Variants in SPATA22 observed in about 807,000 individuals in gnomAD.
The protein encoded by SPATA22 is spermatogenesis associated 22, also known as spermatogenesis-associated protein 22.
SPATA22 carries 29 observed loss-of-function variants against 47.8 expected under a neutral mutation model. The observed-to-expected ratio is 0.61, with a 90% CI of 0.45 to 0.83. The LOEUF (loss-of-function observed/expected upper bound fraction) is 0.83, where lower values mean the gene tolerates loss of function less well. Among genes scored for constraint, SPATA22 ranks in the 40% least tolerant of loss-of-function variants. SPATA22 has a pLI of 0.00. For synonymous variants in SPATA22, 133 were observed against 140.9 expected, an observed-to-expected ratio of 0.94 and a Z score of 0.40; for missense variants, 410 against 421.7, an observed-to-expected ratio of 0.97 and a Z score of 0.24.
rs1231964365 is a variant in SPATA22 at position 3,488,600 on chromosome 17, T to C, written c.-73-19202A>G. Among the ~76,000 whole-genome samples the C allele has an allele frequency of 6.6e-6, 1 of 152,176 alleles. No homozygotes were observed. The highest frequency in any genetic ancestry group is 1.5e-5 in the Non-Finnish European group (1 of 68,030). On this transcript the variant is annotated intron_variant, in intron 1 of 8. Transcript: ENST00000541913. The surrounding 1 kb of genome is among the most constrained non-coding windows in gnomAD (Gnocchi z 6.1). ...TGAACCTGGGAGGCAGAGGTTGCAG[T>C]GAGCAGAAATCACACCACTGTACTC...
chr17:3,490,724 G>C lies in SPATA22; in HGVS notation c.-73-21326C>G, dbSNP rs2073810260. On this transcript the variant is annotated intron_variant, in intron 1 of 8. Transcript: ENST00000541913. This position sits in a 1 kb window ranked among gnomAD's most constrained non-coding sequence, Gnocchi z 4.6. ...TAAACCCTCTGAATAGGAAGTGTGG[G>C]ACTACAATATATTAAGAAGTGATAC... Among the ~76,000 whole-genome samples the C allele has an allele frequency of 1.3e-5, 2 of 152,158 alleles. No homozygotes were observed. Among genetic ancestry groups the C allele is most frequent in the Admixed American group, 1.3e-4 (2 of 15,276 alleles).
chr17:3,455,509 C>T (rs28856633), intron 5 of SPATA22, among the ~76,000 whole-genome samples: 46,444 of 142,154 alleles, frequency 0.33, 9,556 homozygotes, highest in Non-Finnish European at 0.48. Context: ...CAGCTTTCTA[C>T]ATATGGCTAG....
At chr17:3,510,318 G>A (rs895146401) in intron 1 of SPATA22, among the ~76,000 whole-genome samples, 1 of 152,172 alleles carries the variant, frequency 6.6e-6, no homozygotes, top group Non-Finnish European at 1.5e-5. Flanking sequence ...TGCGCTTTGA[G>A]ATGCAAATAC....
At position 3,440,037 on chromosome 17, in the gene SPATA22, C is replaced by G; in HGVS notation, c.*110G>C. The G allele has an allele frequency of 1.5e-6, 1 of 658,716 alleles. No homozygotes were observed. The highest frequency in any genetic ancestry group is 4.6e-5 in the South Asian group (1 of 21,766). 40.8% of individuals were successfully genotyped at this position (658,716 alleles called of 1,614,324 possible). A position where few individuals can be genotyped will look rare whatever the true frequency, so the allele number is the denominator to read the frequency against. ...TTCCACATTTAAAAGAATTCAAATA[C>G]TTTAATTCAACAAGTGAAATACAAT... On this transcript the variant is annotated 3_prime_UTR_variant, in exon 9 of 9. Coordinates refer to ENST00000572969, the MANE Select transcript of SPATA22 (RefSeq NM_001170698.2).
At chr17:3,449,720 A>C (rs2072812765) in intron 5 of SPATA22, among the ~76,000 whole-genome samples, 2 of 152,246 alleles carry the variant, frequency 1.3e-5, no homozygotes. Flanking sequence ...AGCATTTGTC[A>C]GCAACATTAA....
Position 3,471,672 on chromosome 17 carries a change from A to G in SPATA22, c.-74+10T>C, listed in dbSNP as rs533767147. On this transcript the variant is annotated intron_variant, in intron 1 of 8. Transcript: ENST00000572969. The stretch of plus-strand genomic sequence containing the variant: ...GCCCACGGAGTGGGGGCAGTTTGGT[A>G]TCAACGCACAGTCTTTCCCTTCTAG... 5.6e-5 allele frequency: 55 copies of G among 981,838 alleles called. No individual in the cohort carries two copies. In the African/African-American group the frequency reaches 9.8e-4, roughly 17 times the overall value. 60.8% of individuals were successfully genotyped at this position (981,838 alleles called of 1,614,324 possible).
At chr17:3,456,640 T>C (rs1423015063) in intron 5 of SPATA22, among the ~76,000 whole-genome samples, 3 of 152,166 alleles carry the variant, frequency 2.0e-5, no homozygotes, top group Non-Finnish European at 4.4e-5. Flanking sequence ...CTGGTACCAT[T>C]CCTTCTGAAA....
Position 3,440,199 on chromosome 17 carries a change from T to C in SPATA22, c.1040A>G (p.Lys347Arg). The change falls in exon 9 of 9, where the codon AAA becomes AGA. Residue 347 changes from lysine (K) to arginine (R), a missense_variant. By Grantham distance (26) the Lys-to-Arg change is conservative. Coordinates refer to ENST00000572969, the MANE Select transcript of SPATA22 (RefSeq NM_001170698.2). ...SEQKTFQAFV[K>R]IADVEMQYYI... ...ATACTGCATCTCAACATCTGCAATT[T>C]TGACAAATGCCTGGAAAGTTTTTTG... is the stretch of plus-strand genomic sequence containing the variant. 1 of 1,609,814 alleles carries C rather than the reference T, an allele frequency of 6.2e-7. No individual in the cohort carries two copies. The highest frequency in any genetic ancestry group is 1.1e-5 in the South Asian group (1 of 90,058).
Position 3,485,804 on chromosome 17 carries a change from A to G in SPATA22, c.-73-16406T>C, listed in dbSNP as rs535834404. Among the ~76,000 whole-genome samples, 8 of 152,364 alleles carry G rather than the reference A, an allele frequency of 5.3e-5. 2 individuals are homozygous for G. In the South Asian group the frequency reaches 1.4e-3, roughly 28 times the overall value. On this transcript the variant is annotated intron_variant, in intron 1 of 8. Transcript: ENST00000541913. The surrounding 1 kb of genome is among the most constrained non-coding windows in gnomAD (Gnocchi z 4.4). Reference sequence around the variant, plus strand: ...CTCCTAAAACAGAGACAAAGAATAGATTATTGACAGTAGTAATAGCAGAGT... The same window carrying G: ...CTCCTAAAACAGAGACAAAGAATAGGTTATTGACAGTAGTAATAGCAGAGT...
intron 1 of SPATA22, among the ~76,000 whole-genome samples, chr17:3,476,824 G>A (rs1204966444): frequency 2.0e-5 from 3 of 152,190 alleles, no homozygotes. Context: ...AATGCATAAA[G>A]TTCTAGTTCA....
At chr17:3,476,931 G>A (rs892917570) in intron 1 of SPATA22, among the ~76,000 whole-genome samples, 9 of 152,098 alleles carry the variant, frequency 5.9e-5, no homozygotes, top group African/African-American at 1.7e-4. Flanking sequence ...CGAGGCAGGC[G>A]GATCACGAGG....
chr17:3,473,950 T>G (rs2073484971), upstream of SPATA22: 1 of 152,248 alleles, frequency 6.6e-6, no homozygotes, highest in South Asian at 2.1e-4. Flanking sequence ...CGAAAGGGTT[T>G]CACTTCGTAT....
intron 5 of SPATA22, among the ~76,000 whole-genome samples, chr17:3,454,820 T>A (rs2072948123): frequency 6.6e-6 from 1 of 152,194 alleles, no homozygotes; most frequent in African/African-American, 2.4e-5. Context: ...TACCCAGTAA[T>A]GGGATGGCTG....
At chr17:3,451,745 G>A (rs115203822) in intron 5 of SPATA22, among the ~76,000 whole-genome samples, 1,928 of 152,066 alleles carry the variant, frequency 0.013, 35 homozygotes, top group African/African-American at 0.043. Flanking sequence ...CCAAGAGATC[G>A]AAACTGTCCT....
chr17:3,454,423 A>G (rs1025044858), intron 5 of SPATA22, among the ~76,000 whole-genome samples: 1 of 152,010 alleles, frequency 6.6e-6, no homozygotes, highest in African/African-American at 2.4e-5. Context: ...AGCATTAGGT[A>G]TATCTCCTAA....
At position 3,488,914 on chromosome 17, in the gene SPATA22, T is replaced by C. The variant is rs2073773104; in HGVS notation, c.-73-19516A>G. ...ATAAACTTGTTCACCTTTTTTACTA[T>C]GTTATGACTTTTAAATATTTTAGCA... On this transcript the variant is annotated intron_variant, in intron 1 of 8. Coordinates refer to the SPATA22 transcript ENST00000541913. This position sits in a 1 kb window ranked among gnomAD's most constrained non-coding sequence, Gnocchi z 6.1. 6.6e-6 allele frequency among the ~76,000 whole-genome samples: 1 copy of C among 152,214 alleles called. No individual in the cohort carries two copies. Among genetic ancestry groups the C allele is most frequent in the Non-Finnish European group, 1.5e-5 (1 of 68,042 alleles).
At chr17:3,513,144 C>T (rs1397712423) in intron 1 of SPATA22, 2 of 152,620 alleles carry the variant, frequency 1.3e-5, no homozygotes, top group African/African-American at 4.8e-5. Context: ...ATACTTACAT[C>T]CAGCCCCAAA....
At chr17:3,477,487 CT>C (rs1463627523) in intron 1 of SPATA22, among the ~76,000 whole-genome samples, 1 of 152,108 alleles carries the variant, frequency 6.6e-6, no homozygotes, top group African/African-American at 2.4e-5. Context: ...GAGTTTCGCT[CT>C]TGTTGCCCAG....
chr17:3,476,133 GA>G, upstream of SPATA22: 1 of 1,591,454 alleles, frequency 6.3e-7, no homozygotes, highest in South Asian at 1.1e-5. Context: ...CTGAATTGCA[GA>G]AATCAGATAA....
Sources: gnomAD v4.1 joint callset for allele counts (sites outside exome capture counted in the v4.1 genomes callset) on GRCh38, gnomAD v4.1.1 for gene constraint, Gnocchi (gnomAD v3.1) non-coding constraint, MANE v1.5 for transcripts, NCBI Gene and HGNC (gene_info 2026-07-23, HGNC 2026-07-21) for gene names.